The following CLSTN3 variants were observed in gnomAD, a reference collection of about 807,000 sequenced individuals.
CLSTN3 encodes calsyntenin 3.
A neutral mutation model predicts 95.9 loss-of-function variants in CLSTN3; 36 were observed. That is an observed-to-expected ratio of 0.38 (90% CI 0.29 to 0.50). CLSTN3 has a LOEUF of 0.50. Among genes scored for constraint, CLSTN3 ranks in the 20% least tolerant of loss-of-function variants. The pLI is 0.95. For synonymous variants in CLSTN3, 481 were observed against 504.0 expected (o/e 0.95, Z 0.61); for missense variants, 1,084 against 1,268.8 (o/e 0.85, Z 2.21).
chr12:7,156,977 C>T (rs1235533190), intron 16 of CLSTN3: 3 of 368,120 alleles, frequency 8.1e-6, no homozygotes, highest in Non-Finnish European at 1.6e-5. Context: ...TTGTCCCCAG[C>T]CTCAGGTGCT....
intron 16 of CLSTN3, among the ~76,000 whole-genome samples, chr12:7,155,736 G>A (rs962227855): frequency 6.6e-6 from 1 of 152,278 alleles, no homozygotes; most frequent in Non-Finnish European, 1.5e-5. Flanking sequence ...CAGTGTCGAG[G>A]GAGTGTGCCC....
intron 16 of CLSTN3, among the ~76,000 whole-genome samples, chr12:7,155,112 G>T (rs80301549): frequency 6.6e-6 from 1 of 152,124 alleles, no homozygotes; most frequent in African/African-American, 2.4e-5. Context: ...CACTGTCCTC[G>T]CAATCCCATG....
rs934555233 is a variant in CLSTN3 at position 7,142,951 on chromosome 12, G to C, written c.1623G>C (p.Glu541Asp). The change falls in exon 11 of 18, where the codon GAG becomes GAC. Residue 541 changes from glutamate (E) to aspartate (D), a missense_variant. Glu to Asp is a conservative substitution (Grantham distance 45, BLOSUM62 2). Coordinates refer to ENST00000266546, the MANE Select transcript of CLSTN3 (RefSeq NM_014718.4). ...SVRSGRLESR[E>D]VIECLYACRE... ...GCTCAGGTCGCCTGGAGAGCCGCGA[G>C]GTCATCGAGTGCCTCTATGCATGTC... 1 of 1,614,022 alleles carries C rather than the reference G, an allele frequency of 6.2e-7. No individual in the cohort carries two copies. Among genetic ancestry groups the C allele is most frequent in the Non-Finnish European group, 8.5e-7 (1 of 1,180,030 alleles).
At chr12:7,151,929 C>T (rs1939730002) in intron 16 of CLSTN3, among the ~76,000 whole-genome samples, 2 of 151,904 alleles carry the variant, frequency 1.3e-5, no homozygotes, top group Admixed American at 6.6e-5. Flanking sequence ...TGGCAGGTGC[C>T]TGTAGTCCCA....
chr12:7,142,972 A>C lies in CLSTN3; in HGVS notation c.1644A>C (p.Ala548=), dbSNP rs778771869. The C allele has an allele frequency of 1.2e-6, 2 of 1,614,114 alleles. No individual in the cohort carries two copies. The highest frequency in any genetic ancestry group is 1.7e-6 in the Non-Finnish European group (2 of 1,180,022). The change falls in exon 11 of 18, where the codon GCA becomes GCC. Residue 548 remains alanine, a synonymous_variant. Transcript: ENST00000266546. ...GCGAGGTCATCGAGTGCCTCTATGC[A>C]TGTCGGGAGGGGCTGGACTATAGGG... ...ESREVIECLY[A]CREGLDYRDF... is the part of the protein sequence containing the mutation.
chr12:7,153,841 C>G (rs577714727), intron 16 of CLSTN3, among the ~76,000 whole-genome samples: 100 of 152,224 alleles, frequency 6.6e-4, no homozygotes, highest in Non-Finnish European at 1.3e-3. Flanking sequence ...TTCTAGGAGC[C>G]CAGCACCTTC....
rs779399453 is a variant in CLSTN3, at chr12:7,136,258, C to G, written c.795C>G (p.Phe265Leu). The change falls in exon 6 of 18, where the codon TTC (phenylalanine) becomes TTG (leucine). Residue 265 changes from phenylalanine (F) to leucine (L), a missense_variant. Coordinates refer to ENST00000266546, the MANE Select transcript of CLSTN3 (RefSeq NM_014718.4). ...CAGGTGCTGGGAGCTTGGCTTTGTT[C>G]CCTGGTATCCGCCTGGAGACCTGTG... ...YAPGAGSLAL[F>L]PGIRLETCDE... 1.4e-5 allele frequency: 23 copies of G among 1,614,064 alleles called. No individual in the cohort carries two copies.
intron 8 of CLSTN3, among the ~76,000 whole-genome samples, chr12:7,139,837 TG>T (rs1939498104): frequency 6.6e-6 from 1 of 151,946 alleles, no homozygotes; most frequent in Non-Finnish European, 1.5e-5. Context: ...TTAGTAGAGA[TG>T]GGGTTTCACC....
At chr12:7,130,766 C>A in intron 1 of CLSTN3, 54 bp downstream of exon 1, 1 of 529,786 alleles carries the variant, frequency 1.9e-6, no homozygotes, top group Non-Finnish European at 3.3e-6. Flanking sequence ...CAGCGCCGTG[C>A]GGGGTGGGGG....
At chr12:7,129,139 C>G, upstream of CLSTN3, 1 of 313,482 alleles carries the variant, frequency 3.2e-6, no homozygotes, top group South Asian at 3.0e-5. The surrounding 1 kb of genome is among the most constrained non-coding windows in gnomAD (Gnocchi z 5.5). Context: ...ACTCAGCCAT[C>G]CAAAGGTCAG....
At chr12:7,136,800 G>A (rs1270253473) in intron 6 of CLSTN3, 29 bp from the exon 7 acceptor site, 1 of 1,608,302 alleles carries the variant, frequency 6.2e-7, no homozygotes, top group Admixed American at 1.7e-5. Flanking sequence ...TCTTGGCTCT[G>A]ACACTTGTGC....
intron 8 of CLSTN3, 28 bp downstream of exon 8, chr12:7,138,095 G>A (rs867604375): frequency 6.4e-7 from 1 of 1,563,682 alleles, no homozygotes; most frequent in Middle Eastern, 1.7e-4. Context: ...CTCCTGGGAG[G>A]GCTGAGTAGA....
chr12:7,157,652 G>A lies in CLSTN3; in HGVS notation c.2691G>A (p.Trp897Ter), dbSNP rs766749322. 6.2e-7 allele frequency: 1 copy of A among 1,604,670 alleles called. No individual in the cohort carries two copies. The highest frequency in any genetic ancestry group is 2.2e-5 in the East Asian group (1 of 44,570). The change falls in exon 17 of 18, where the codon TGG (tryptophan) becomes TGA (stop). Residue 897 changes from tryptophan (W) to a stop codon, truncating the protein, a stop_gained. Coordinates refer to ENST00000266546, the MANE Select transcript of CLSTN3 (RefSeq NM_014718.4). LOFTEE classifies it high-confidence loss of function. This position sits in a 1 kb window ranked among gnomAD's most constrained non-coding sequence, Gnocchi z 5.9. Reference protein sequence around the residue: ...SSDPKDPDLFWDDSALTIIVN... With the variant: ...SSDPKDPDLF Reference sequence around the variant, plus strand: ...ACCCCAAGGACCCAGACCTCTTCTGGGATGACTCAGCTCTCACCATCATTG... The same window carrying A: ...ACCCCAAGGACCCAGACCTCTTCTGAGATGACTCAGCTCTCACCATCATTG...
intron 3 of CLSTN3, among the ~76,000 whole-genome samples, chr12:7,134,521 TG>T (rs1006627846): frequency 4.6e-5 from 7 of 152,218 alleles, no homozygotes; most frequent in African/African-American, 1.7e-4. Flanking sequence ...GGTCTTGGCC[TG>T]GGGCAGGGCT....
At chr12:7,151,138 T>G in intron 16 of CLSTN3, 75 bp downstream of exon 16, 2 of 1,435,284 alleles carry the variant, frequency 1.4e-6, no homozygotes, top group Non-Finnish European at 1.8e-6. Context: ...ATCCTCCCCC[T>G]CCACCTCTGG....
In CLSTN3 at chr12:7,157,417, A is replaced by T; in HGVS notation, c.2528-72A>T. 7.3e-7 allele frequency: 1 copy of T among 1,378,524 alleles called. No individual in the cohort carries two copies. The allele number at this position is 1,378,524 out of a possible 1,614,324, so 85.4% of individuals were successfully genotyped here. On this transcript the variant is annotated intron_variant, in intron 16 of 17. Transcript: ENST00000266546. The surrounding 1 kb of genome is among the most constrained non-coding windows in gnomAD (Gnocchi z 5.9). ...TTCAGCCCGGGCTGCCTCTTTTCCT[A>T]CCCAGCCCCCTGTCCAAGTGCCCCC...
chr12:7,143,262 C>A lies in CLSTN3; in HGVS notation c.1798C>A (p.Arg600Ser). Reference protein sequence around the residue: ...LQHVAYMNTLRFATPGVRPLR... With the variant: ...LQHVAYMNTLSFATPGVRPLR... ...GCATGTGGCTTACATGAACACTCTG[C>A]GCTTTGCCACGCCCGGCGTCAGGCC... The change falls in exon 12 of 18, where the codon CGC (arginine) becomes AGC (serine). Residue 600 changes from arginine (R) to serine (S), a missense_variant. Coordinates refer to ENST00000266546, the MANE Select transcript of CLSTN3 (RefSeq NM_014718.4). The A allele has an allele frequency of 6.2e-7, 1 of 1,612,952 alleles. No homozygotes were observed. The highest frequency in any genetic ancestry group is 8.5e-7 in the Non-Finnish European group (1 of 1,180,030).
intron 16 of CLSTN3, among the ~76,000 whole-genome samples, chr12:7,155,350 C>T (rs1416050554): frequency 6.6e-6 from 1 of 152,332 alleles, no homozygotes; most frequent in East Asian, 1.9e-4. Context: ...TTTGTCTTTC[C>T]TGTGGTCATT....
In CLSTN3 at chr12:7,133,551, C is replaced by T. The variant is rs780569046; in HGVS notation, c.188-22C>T. 4.3e-5 allele frequency: 69 copies of T among 1,612,420 alleles called. No individual in the cohort carries two copies. In the Admixed American group the frequency reaches 9.3e-4, roughly 22 times the overall value. ...GGAAGGAGACACAGCAGCCTCACTCCTCCCCTTCTCCCCTTTGCCAGGTGA... is the reference window on the plus strand; with the variant it reads ...GGAAGGAGACACAGCAGCCTCACTCTTCCCCTTCTCCCCTTTGCCAGGTGA... On this transcript the variant is annotated intron_variant, in intron 2 of 17. Transcript: ENST00000266546. This position sits in a 1 kb window ranked among gnomAD's most constrained non-coding sequence, Gnocchi z 4.7.
Sources: allele counts gnomAD v4.1 joint callset (sites outside exome capture counted in the v4.1 genomes callset), GRCh38; gene constraint gnomAD v4.1.1; non-coding constraint Gnocchi (gnomAD v3.1); transcripts MANE v1.5; gene names NCBI Gene and HGNC (gene_info 2026-07-23, HGNC 2026-07-21).